FRMD3: variants seen among roughly 807,000 people sequenced by gnomAD.
The protein encoded by FRMD3 is FERM domain-containing protein 3.
A neutral mutation model predicts 70.2 loss-of-function variants in FRMD3; 33 were observed. The observed-to-expected ratio is 0.47, with a 90% CI of 0.36 to 0.63. The LOEUF is 0.63. FRMD3 is among the 20% of genes least tolerant of loss of function. The pLI, the probability that FRMD3 is intolerant of heterozygous loss-of-function variation, is 0.00. For synonymous variants in FRMD3, 279 were observed against 255.9 expected (o/e 1.09, Z -0.86); for missense variants, 632 against 711.4 (o/e 0.89, Z 1.27).
the FRMD3 span, among the ~76,000 whole-genome samples, chr9:83,579,176 G>T: frequency 6.6e-6 from 1 of 151,598 alleles, no homozygotes; most frequent in Non-Finnish European, 1.5e-5. Context: ...ACAAACAAAT[G>T]AAAGATATTC....
At chr9:83,558,096 T>A in the FRMD3 span, among the ~76,000 whole-genome samples, 2 of 152,206 alleles carry the variant, frequency 1.3e-5, no homozygotes, top group African/African-American at 4.8e-5. Context: ...CTGTCAAAAA[T>A]ACATGCACCA....
chr9:83,246,879 A>T lies in FRMD3; in HGVS notation c.*1039T>A. 6.1e-6 allele frequency: 6 copies of T among 985,368 alleles called. No individual in the cohort carries two copies. The highest frequency in any genetic ancestry group is 7.2e-6 in the Non-Finnish European group (6 of 829,918). The allele number at this position is 985,368 out of a possible 1,614,324, so 61.0% of individuals were successfully genotyped here. Reference sequence around the variant, plus strand: ...CTGGCATCACCATCACTTTCATAAAATAGACCATTCGCCTGTCACCATTTG... The same window carrying T: ...CTGGCATCACCATCACTTTCATAAATTAGACCATTCGCCTGTCACCATTTG... On this transcript the variant is annotated 3_prime_UTR_variant, in exon 14 of 14. Transcript: ENST00000304195.
the FRMD3 span, among the ~76,000 whole-genome samples, chr9:83,555,396 C>T: frequency 6.7e-6 from 1 of 149,258 alleles, no homozygotes; most frequent in Non-Finnish European, 1.5e-5. Flanking sequence ...AAGCAGCAGT[C>T]TGGCCAAATT....
intron 13 of FRMD3, among the ~76,000 whole-genome samples, chr9:83,264,707 TG>T (rs1355407588): frequency 6.6e-6 from 1 of 151,784 alleles, no homozygotes; most frequent in Non-Finnish European, 1.5e-5. Flanking sequence ...TGTATAGTAA[TG>T]GAGCAGGAAT....
At chr9:83,492,070 C>A (rs1477899103) in intron 1 of FRMD3, among the ~76,000 whole-genome samples, 1 of 152,040 alleles carries the variant, frequency 6.6e-6, no homozygotes, top group East Asian at 1.9e-4. Context: ...TGCAACACAC[C>A]CTGGGCCCCC....
intron 13 of FRMD3, among the ~76,000 whole-genome samples, chr9:83,266,378 A>G (rs994713577): frequency 1.3e-5 from 2 of 152,242 alleles, no homozygotes; most frequent in African/African-American, 4.8e-5. Context: ...GTGTTAATCA[A>G]TTGGTAAAAA....
intron 1 of FRMD3, among the ~76,000 whole-genome samples, chr9:83,425,784 G>A (rs1380240473): frequency 2.0e-5 from 3 of 151,666 alleles, no homozygotes; most frequent in African/African-American, 7.3e-5. Context: ...GCACATGCCT[G>A]TAATCCCAGC....
In FRMD3 at chr9:83,515,324, A is replaced by G. The variant is rs191298354; in HGVS notation, c.147+22761T>C. On this transcript the variant is annotated intron_variant, in intron 1 of 13. Coordinates refer to ENST00000304195, the MANE Select transcript of FRMD3 (RefSeq NM_174938.6). ...ACAGCACGAAAGCTTCGTGAAGCAT[A>G]CACGAGAATCAATAGGTGAATCAAT... 1.4e-3 allele frequency among the ~76,000 whole-genome samples: 207 copies of G among 152,324 alleles called. 4 individuals carry two copies. Among genetic ancestry groups the G allele is most frequent in the Admixed American group, 0.013 (205 of 15,296 alleles).
chr9:83,331,240 A>G (rs1286057200), intron 6 of FRMD3, among the ~76,000 whole-genome samples: 4 of 152,258 alleles, frequency 2.6e-5, no homozygotes, highest in Admixed American at 6.5e-5. Context: ...ATTATGATAC[A>G]TACAGACAAT....
intron 1 of FRMD3, among the ~76,000 whole-genome samples, chr9:83,500,144 T>G (rs1214324197): frequency 6.6e-6 from 1 of 152,194 alleles, no homozygotes; most frequent in Non-Finnish European, 1.5e-5. Flanking sequence ...GAAACTATCC[T>G]GTATAATCCT....
rs1226401384 is a variant in FRMD3, at chr9:83,247,384, C to T, written c.*534G>A. ...ACATGTAAATAACTCCAGGAGGCTT[C>T]TTTTTTTTTTTTGCTAAAAATTTAC... On this transcript the variant is annotated 3_prime_UTR_variant, in exon 14 of 14. Coordinates refer to ENST00000304195, the MANE Select transcript of FRMD3 (RefSeq NM_174938.6). 21 of 914,620 alleles carry T rather than the reference C, an allele frequency of 2.3e-5. No homozygotes were observed. The highest frequency in any genetic ancestry group is 2.4e-4 in the East Asian group (2 of 8,448). 56.7% of individuals were successfully genotyped at this position (914,620 alleles called of 1,614,324 possible). A position where few individuals can be genotyped will look rare whatever the true frequency, so the allele number is the denominator to read the frequency against.
chr9:83,249,026 T>A (rs1832273449), intron 13 of FRMD3, among the ~76,000 whole-genome samples: 1 of 152,234 alleles, frequency 6.6e-6, no homozygotes, highest in South Asian at 2.1e-4. Flanking sequence ...CAAGCTTAAA[T>A]CATGCTCCTT....
At chr9:83,337,651 GA>G (rs1353689362) in intron 5 of FRMD3, among the ~76,000 whole-genome samples, 1 of 152,126 alleles carries the variant, frequency 6.6e-6, no homozygotes, top group Admixed American at 6.5e-5. Context: ...CTTTGAAGTA[GA>G]AAAAAATTAG....
intron 3 of FRMD3, 80 bp downstream of exon 3, chr9:83,372,833 G>T: frequency 7.8e-7 from 1 of 1,279,044 alleles, no homozygotes; most frequent in African/African-American, 1.5e-5. Flanking sequence ...TTATTCCCCT[G>T]GCAGGAGAAA....
At chr9:83,250,414 C>T (rs1436212821) in intron 13 of FRMD3, among the ~76,000 whole-genome samples, 1 of 152,184 alleles carries the variant, frequency 6.6e-6, no homozygotes, top group Non-Finnish European at 1.5e-5. Flanking sequence ...GTTTTACATA[C>T]TCTGGCCCCA....
chr9:83,529,789 C>T (rs534489896), intron 1 of FRMD3, among the ~76,000 whole-genome samples: 20 of 152,214 alleles, frequency 1.3e-4, no homozygotes, highest in African/African-American at 4.6e-4. Flanking sequence ...ACTCTTACAA[C>T]TTAATAATAA....
chr9:83,427,469 T>C (rs951696765), intron 1 of FRMD3, among the ~76,000 whole-genome samples: 2 of 152,208 alleles, frequency 1.3e-5, no homozygotes, highest in Admixed American at 1.3e-4. Flanking sequence ...ATTCTTGATG[T>C]GCTAGTCTTA....
chr9:83,354,978 G>A (rs3889596), intron 3 of FRMD3, among the ~76,000 whole-genome samples: 16,837 of 152,164 alleles, frequency 0.11, 1,076 homozygotes, highest in African/African-American at 0.16. Flanking sequence ...CAAGTGTGGT[G>A]GCAATGGTTT....
Position 83,357,272 on chromosome 9 carries a change from T to TGGA in FRMD3, c.296-7516_296-7515insTCC, listed in dbSNP as rs1564032831. ...ATATATATATATATATATATATATATATATATATATATATATATATATATA... is the reference window on the plus strand; with the variant it reads ...ATATATATATATATATATATATATATGGAATATATATATATATATATATATATA... On this transcript the variant is annotated intron_variant, in intron 3 of 13. Coordinates refer to ENST00000304195, the MANE Select transcript of FRMD3 (RefSeq NM_174938.6). Among the ~76,000 whole-genome samples the TGGA allele has an allele frequency of 3.4e-4, 21 of 61,968 alleles. 6 individuals are homozygous for TGGA. Among genetic ancestry groups the TGGA allele is most frequent in the African/African-American group, 1.8e-3 (21 of 11,590 alleles). The allele number at this position is 61,968 out of a possible 152,430, so 40.7% of individuals were successfully genotyped here.
Sources: allele counts gnomAD v4.1 joint callset (sites outside exome capture counted in the v4.1 genomes callset), GRCh38; gene constraint gnomAD v4.1.1; transcripts MANE v1.5; gene names NCBI Gene and HGNC (gene_info 2026-07-23, HGNC 2026-07-21).